The following TRDN variants were observed in gnomAD, a reference collection of about 807,000 sequenced individuals.
TRDN encodes triadin in skeletal muscle.
A neutral mutation model predicts 149.7 loss-of-function variants in TRDN; 161 were observed. The ratio of observed to expected loss-of-function variants is 1.08; its 90% CI spans 0.95 to 1.23. The LOEUF is 1.23. TRDN is among the 50% of genes most tolerant of loss of function. The pLI is 0.00. For synonymous variants in TRDN, 294 were observed against 250.5 expected (o/e 1.17, Z -1.64); for missense variants, 896 against 823.5 (o/e 1.09, Z -1.08).
chr6:123,393,177 A>G (rs1188263810), intron 13 of TRDN, among the ~76,000 whole-genome samples: 5 of 152,076 alleles, frequency 3.3e-5, no homozygotes, highest in African/African-American at 1.2e-4. Flanking sequence ...TTTTGTAGCC[A>G]TATCTGGAAC....
chr6:123,580,609 A>G (rs1783074785), intron 1 of TRDN, among the ~76,000 whole-genome samples: 2 of 152,216 alleles, frequency 1.3e-5, no homozygotes, highest in Non-Finnish European at 2.9e-5. Flanking sequence ...TGCTTAGAAC[A>G]GATGACAGAA....
At chr6:123,570,818 T>C (rs1171934817) in intron 2 of TRDN, 105 bp downstream of exon 2, 4 of 1,001,954 alleles carry the variant, frequency 4.0e-6, no homozygotes, top group Non-Finnish European at 5.9e-6. Context: ...GGGTGTTTCT[T>C]CCTCACACTA....
At chr6:123,240,171 A>C (rs1385288690) in intron 38 of TRDN, among the ~76,000 whole-genome samples, 1 of 151,922 alleles carries the variant, frequency 6.6e-6, no homozygotes, top group Non-Finnish European at 1.5e-5. Context: ...GGAATAGTGA[A>C]GTTACAGTAT....
In TRDN at chr6:123,218,313, T is replaced by G. The variant is rs932646830; in HGVS notation, c.*288A>C. 2.2e-5 allele frequency: 5 copies of G among 223,184 alleles called. No individual in the cohort carries two copies. The highest frequency in any genetic ancestry group is 9.1e-5 in the African/African-American group (4 of 44,104). The allele number at this position is 223,184 out of a possible 1,614,324, so 13.8% of individuals were successfully genotyped here. ...TTAAAGATACCATTATTAAGTAAAC[T>G]TTAAATTAGTTTGTGTACAACCTTA... On this transcript the variant is annotated 3_prime_UTR_variant, in exon 41 of 41. Transcript: ENST00000334268.
chr6:123,376,870 G>A (rs1254340027), intron 18 of TRDN, among the ~76,000 whole-genome samples: 4 of 151,652 alleles, frequency 2.6e-5, no homozygotes. Flanking sequence ...ATTACATAAG[G>A]TTATGATCAC....
intron 5 of TRDN, among the ~76,000 whole-genome samples, chr6:123,517,512 G>A (rs1323285337): frequency 6.6e-6 from 1 of 151,748 alleles, no homozygotes; most frequent in Non-Finnish European, 1.5e-5. Context: ...TCACATAGTG[G>A]GTGCTATATC....
intron 9 of TRDN, among the ~76,000 whole-genome samples, chr6:123,482,087 C>T (rs1200138462): frequency 3.3e-5 from 5 of 152,098 alleles, no homozygotes; most frequent in Non-Finnish European, 7.4e-5. Flanking sequence ...TCGTTTTTTT[C>T]TGTTTTTTGG....
At chr6:123,322,400 A>T (rs1303477401) in intron 23 of TRDN, among the ~76,000 whole-genome samples, 1 of 151,958 alleles carries the variant, frequency 6.6e-6, no homozygotes, top group East Asian at 1.9e-4. Flanking sequence ...CCAAATTTCC[A>T]TTTTCTAATC....
At chr6:123,503,027 G>A in intron 8 of TRDN, 3 of 985,208 alleles carry the variant, frequency 3.0e-6, no homozygotes, top group South Asian at 9.4e-5. Context: ...AAAAATTCAG[G>A]TTTATATGCC....
At chr6:123,562,455 A>G (rs1782052686) in intron 2 of TRDN, among the ~76,000 whole-genome samples, 1 of 152,188 alleles carries the variant, frequency 6.6e-6, no homozygotes, top group Non-Finnish European at 1.5e-5. Flanking sequence ...GGCCTAAGAG[A>G]GTTCACCCCT....
intron 9 of TRDN, among the ~76,000 whole-genome samples, chr6:123,495,177 C>T (rs1411285525): frequency 1.3e-5 from 2 of 152,152 alleles, no homozygotes; most frequent in Non-Finnish European, 2.9e-5. Context: ...CCTCACCCTA[C>T]CAAGTAGCTG....
chr6:123,334,373 T>C (rs914475912), intron 22 of TRDN, among the ~76,000 whole-genome samples: 2 of 152,074 alleles, frequency 1.3e-5, no homozygotes, highest in Non-Finnish European at 2.9e-5. Context: ...TGCTATTATT[T>C]TGTTCTCAGA....
At position 123,512,273 on chromosome 6, in the gene TRDN, A is replaced by G; in HGVS notation, c.610+30T>C. ...TAATCTTTCAGAGTAAAAAGAATTT[A>G]GTTATGGAAATAATAAATTGAAAAG... On this transcript the variant is annotated intron_variant, in intron 7 of 40. Transcript: ENST00000334268. The G allele has an allele frequency of 1.6e-6, 2 of 1,253,812 alleles. 1 individual carries two copies. The highest frequency in any genetic ancestry group is 2.9e-5 in the South Asian group (2 of 69,410). The allele number at this position is 1,253,812 out of a possible 1,614,324, so 77.7% of individuals were successfully genotyped here.
At chr6:123,400,167 G>GTATAAATATA in intron 12 of TRDN, among the ~76,000 whole-genome samples, 1 of 123,380 alleles carries the variant, frequency 8.1e-6, no homozygotes, top group East Asian at 2.3e-4. Context: ...ATATGTATGT[G>GTATAAATATA]TATATATATA....
chr6:123,416,016 G>C (rs1029533045), intron 12 of TRDN, among the ~76,000 whole-genome samples: 5 of 152,138 alleles, frequency 3.3e-5, no homozygotes, highest in Admixed American at 6.5e-5. Flanking sequence ...CCAGGATGGA[G>C]TATGACGTTC....
At chr6:123,472,798 C>G (rs1461118341) in intron 9 of TRDN, among the ~76,000 whole-genome samples, 2 of 152,056 alleles carry the variant, frequency 1.3e-5, no homozygotes, top group Non-Finnish European at 1.5e-5. Flanking sequence ...GACCCCCGAG[C>G]AGCCTAACTG....
intron 16 of TRDN, among the ~76,000 whole-genome samples, chr6:123,380,214 G>A (rs563178103): frequency 6.6e-6 from 1 of 152,264 alleles, no homozygotes; most frequent in African/African-American, 2.4e-5. Flanking sequence ...TGCGTGAAAA[G>A]GCATGTTTAT....
At chr6:123,316,015 A>T (rs909243890) in intron 24 of TRDN, among the ~76,000 whole-genome samples, 1 of 151,876 alleles carries the variant, frequency 6.6e-6, no homozygotes, top group African/African-American at 2.4e-5. Flanking sequence ...ACCATGTGGG[A>T]CTCCTTTTTT....
chr6:123,319,783 AGGCAGGCAGCCT>A (rs1239610222), intron 23 of TRDN, among the ~76,000 whole-genome samples: 1 of 152,134 alleles, frequency 6.6e-6, no homozygotes, highest in Non-Finnish European at 1.5e-5. Context: ...TAAGTTGTTG[AGGCAGGCAGCCT>A]GCCATTTCCT....
Sources: allele counts gnomAD v4.1 joint callset (sites outside exome capture counted in the v4.1 genomes callset), GRCh38; gene constraint gnomAD v4.1.1; transcripts MANE v1.5; gene names NCBI Gene and HGNC (gene_info 2026-07-23, HGNC 2026-07-21).